The following CTNNA2 variants were observed in gnomAD, a reference collection of about 807,000 sequenced individuals.
CTNNA2 encodes the protein catenin alpha 2.
In CTNNA2, 42 loss-of-function variants were observed where a neutral mutation model predicts 101.0. The observed-to-expected ratio is 0.42, with a 90% CI of 0.32 to 0.54. The LOEUF (loss-of-function observed/expected upper bound fraction) is 0.54. CTNNA2 is among the 20% of genes least tolerant of loss of function. CTNNA2 has a pLI of 0.14. For synonymous variants in CTNNA2, 450 were observed against 456.4 expected (o/e 0.99, Z 0.18); for missense variants, 871 against 1,223.1 (o/e 0.71, Z 4.29).
At chr2:80,207,848 G>A (rs903057725) in intron 7 of CTNNA2, among the ~76,000 whole-genome samples, 1 of 152,142 alleles carries the variant, frequency 6.6e-6, no homozygotes, top group Admixed American at 6.6e-5. Flanking sequence ...ATTCTGGGGA[G>A]CAGCAGAACT....
intron 7 of CTNNA2, among the ~76,000 whole-genome samples, chr2:80,260,543 T>G (rs1262160299): frequency 1.3e-5 from 2 of 152,232 alleles, no homozygotes; most frequent in Non-Finnish European, 2.9e-5. Context: ...GGAACCTCTC[T>G]TCTTATTTGG....
At chr2:79,956,852 T>TTCTTTTTTTTTTC (rs1558673599) in intron 7 of CTNNA2, among the ~76,000 whole-genome samples, 1 of 143,960 alleles carries the variant, frequency 6.9e-6, no homozygotes, top group Non-Finnish European at 1.5e-5. Context: ...GGTTTTTTTT[T>TTCTTTTTTTTTTC]TTTTTTTTTT....
At chr2:80,333,253 C>T (rs893215539) in intron 7 of CTNNA2, among the ~76,000 whole-genome samples, 3 of 152,150 alleles carry the variant, frequency 2.0e-5, no homozygotes, top group Non-Finnish European at 4.4e-5. Context: ...ATCTAGTCTT[C>T]CCTTAGCAGA....
chr2:80,542,538 A>T (rs1380231489), intron 9 of CTNNA2, among the ~76,000 whole-genome samples: 1 of 151,676 alleles, frequency 6.6e-6, no homozygotes, highest in East Asian at 1.9e-4. Context: ...ACCACTGATG[A>T]CTTGGTCTGG....
intron 2 of CTNNA2, among the ~76,000 whole-genome samples, chr2:79,737,363 A>G (rs1670971013): frequency 6.6e-6 from 1 of 151,912 alleles, no homozygotes; most frequent in African/African-American, 2.4e-5. Flanking sequence ...AAAAAAAAAA[A>G]AGGTCACTGC....
At position 79,752,446 on chromosome 2, in the gene CTNNA2, T is replaced by C. The variant is rs138194955; in HGVS notation, c.298+7864T>C. On this transcript the variant is annotated intron_variant, in intron 3 of 18. Transcript: ENST00000402739. ...GCTAGACAGGTGTCATTAATTATAT[T>C]CAAAAGTGCATTTTCAGGAAGCCAC... 5.7e-3 allele frequency among the ~76,000 whole-genome samples: 861 copies of C among 152,262 alleles called. 7 individuals are homozygous for C. The highest frequency in any genetic ancestry group is 0.019 in the African/African-American group (805 of 41,556).
At chr2:80,012,273 A>T (rs1002290167) in intron 7 of CTNNA2, among the ~76,000 whole-genome samples, 1 of 152,182 alleles carries the variant, frequency 6.6e-6, no homozygotes, top group African/African-American at 2.4e-5. Flanking sequence ...TCCTATTCAA[A>T]AGTTCCTTCC....
intron 2 of CTNNA2, among the ~76,000 whole-genome samples, chr2:79,742,332 T>G (rs1375967477): frequency 1.3e-5 from 2 of 151,756 alleles, no homozygotes; most frequent in Non-Finnish European, 2.9e-5. Context: ...ACCCTATTTT[T>G]TTTTAATTTG....
At chr2:79,801,530 T>C (rs1208056554) in intron 3 of CTNNA2, among the ~76,000 whole-genome samples, 1 of 152,188 alleles carries the variant, frequency 6.6e-6, no homozygotes, top group African/African-American at 2.4e-5. Context: ...GGGCAGATGA[T>C]GTTGAGATGC....
chr2:80,060,868 T>C (rs1697554572), intron 7 of CTNNA2, among the ~76,000 whole-genome samples: 1 of 152,176 alleles, frequency 6.6e-6, no homozygotes, highest in Non-Finnish European at 1.5e-5. Context: ...CTTAGAGCCT[T>C]GGGTTGAAGG....
At chr2:79,633,437 A>G (rs913320127) in intron 1 of CTNNA2, among the ~76,000 whole-genome samples, 1 of 152,118 alleles carries the variant, frequency 6.6e-6, no homozygotes, top group African/African-American at 2.4e-5. Context: ...AAAAAGGAAA[A>G]TATCCCACAT....
At chr2:79,305,345 TACATATAC>T (rs1156490112) in intron 2 of CTNNA2, among the ~76,000 whole-genome samples, 2 of 144,686 alleles carry the variant, frequency 1.4e-5, no homozygotes, top group East Asian at 2.0e-4. Context: ...CATATATACA[TACATATAC>T]ATATATACAT....
intron 3 of CTNNA2, among the ~76,000 whole-genome samples, chr2:79,326,186 C>T (rs947344949): frequency 1.3e-5 from 2 of 151,574 alleles, no homozygotes; most frequent in African/African-American, 4.9e-5. Flanking sequence ...CAATGTCTGC[C>T]TTGACATTGA....
At chr2:79,908,028 A>G (rs897742783) in intron 6 of CTNNA2, among the ~76,000 whole-genome samples, 2 of 152,172 alleles carry the variant, frequency 1.3e-5, no homozygotes, top group Admixed American at 6.5e-5. Flanking sequence ...ACCTGAACAA[A>G]CACCCTAGGA....
At chr2:79,946,703 C>T (rs1205199007) in intron 7 of CTNNA2, among the ~76,000 whole-genome samples, 1 of 152,112 alleles carries the variant, frequency 6.6e-6, no homozygotes, top group Non-Finnish European at 1.5e-5. Context: ...TGTTCTGAGC[C>T]CCCACAGTGG....
chr2:79,870,027 C>A (rs1251426750), intron 5 of CTNNA2, 92 bp downstream of exon 5: 21 of 1,459,482 alleles, frequency 1.4e-5, no homozygotes, highest in Non-Finnish European at 1.9e-5. Context: ...TCAACTGCAT[C>A]TGCTTGCTAT....
intron 7 of CTNNA2, among the ~76,000 whole-genome samples, chr2:80,110,798 A>G (rs1170694439): frequency 6.6e-6 from 1 of 152,226 alleles, no homozygotes; most frequent in African/African-American, 2.4e-5. Flanking sequence ...TAACTGAAAC[A>G]TCTTAGAAAC....
At chr2:80,152,887 C>T (rs111590765) in intron 7 of CTNNA2, among the ~76,000 whole-genome samples, 23 of 152,236 alleles carry the variant, frequency 1.5e-4, no homozygotes, top group African/African-American at 5.5e-4. Flanking sequence ...AACAATAAAC[C>T]CAAAATAACT....
At chr2:79,653,233 T>G (rs1681380017) in intron 2 of CTNNA2, among the ~76,000 whole-genome samples, 1 of 152,190 alleles carries the variant, frequency 6.6e-6, no homozygotes. Context: ...TTCTTCATTT[T>G]CATGAAGGGT....
Sources: allele counts gnomAD v4.1 joint callset (sites outside exome capture counted in the v4.1 genomes callset), GRCh38; gene constraint gnomAD v4.1.1; transcripts MANE v1.5; gene names NCBI Gene and HGNC (gene_info 2026-07-23, HGNC 2026-07-21).